The following ARK2C variants were observed in gnomAD, a reference collection of about 807,000 sequenced individuals.
ARK2C encodes E3 ubiquitin-protein ligase ARK2C.
chr18:46,404,149 G>T, the ARK2C span, among the ~76,000 whole-genome samples: 2 of 152,018 alleles, frequency 1.3e-5, no homozygotes, highest in Admixed American at 1.3e-4. Context: ...ATGATTTACG[G>T]TCTAAAACCC....
the ARK2C span, among the ~76,000 whole-genome samples, chr18:46,390,008 G>A: frequency 0.014 from 2,122 of 152,266 alleles, 19 homozygotes; most frequent in South Asian, 0.029. Context: ...GACTATAGGC[G>A]TGAGCCACCA....
chr18:46,377,423 C>G, the ARK2C span, among the ~76,000 whole-genome samples: 1 of 152,166 alleles, frequency 6.6e-6, no homozygotes, highest in Non-Finnish European at 1.5e-5. Flanking sequence ...GCAGTAACAG[C>G]TCCCTAATGG....
chr18:46,433,302 G>A, the ARK2C span: 2 of 1,611,612 alleles, frequency 1.2e-6, no homozygotes, highest in Non-Finnish European at 1.7e-6. Context: ...CCCACCCCGT[G>A]CAGTCGCAGC....
At chr18:46,431,148 G>A in the ARK2C span, among the ~76,000 whole-genome samples, 1 of 152,102 alleles carries the variant, frequency 6.6e-6, no homozygotes, top group African/African-American at 2.4e-5. Context: ...GCGGTGTTTG[G>A]TTTTCTGTTC....
chr18:46,417,185 G>T, the ARK2C span, among the ~76,000 whole-genome samples: 3 of 152,132 alleles, frequency 2.0e-5, no homozygotes, highest in African/African-American at 7.2e-5. Flanking sequence ...TCCCCCGATT[G>T]CCACCCTAGT....
the ARK2C span, among the ~76,000 whole-genome samples, chr18:46,387,647 C>T: frequency 3.2e-4 from 48 of 152,362 alleles, no homozygotes; most frequent in East Asian, 6.4e-3. Flanking sequence ...CATACAGACC[C>T]GTGGAGGGTG....
the ARK2C span, among the ~76,000 whole-genome samples, chr18:46,448,107 C>T: frequency 4.5e-3 from 666 of 148,498 alleles, 6 homozygotes; most frequent in African/African-American, 0.016. Context: ...GGCTCCCCTG[C>T]GCTCCGGATT....
the ARK2C span, among the ~76,000 whole-genome samples, chr18:46,427,805 A>G: frequency 6.6e-6 from 1 of 152,206 alleles, no homozygotes; most frequent in Non-Finnish European, 1.5e-5. Flanking sequence ...GAGACAGCTC[A>G]AGGTAGCCAC....
At chr18:46,347,444 C>T in the ARK2C span, among the ~76,000 whole-genome samples, 5 of 152,182 alleles carry the variant, frequency 3.3e-5, no homozygotes, top group Admixed American at 6.5e-5. Flanking sequence ...GTCATCGTGC[C>T]GCCCCTGGAA....
At chr18:46,436,881 G>A in the ARK2C span, among the ~76,000 whole-genome samples, 6 of 152,122 alleles carry the variant, frequency 3.9e-5, no homozygotes, top group African/African-American at 1.4e-4. Context: ...CAGCACACAC[G>A]GAGTACTCAG....
At chr18:46,346,193 G>T in the ARK2C span, among the ~76,000 whole-genome samples, 1 of 152,190 alleles carries the variant, frequency 6.6e-6, no homozygotes, top group Non-Finnish European at 1.5e-5. Flanking sequence ...AGGAACCAGA[G>T]CCTGAGAGGG....
chr18:46,340,826 T>C, the ARK2C span, among the ~76,000 whole-genome samples: 1 of 152,218 alleles, frequency 6.6e-6, no homozygotes, highest in African/African-American at 2.4e-5. Context: ...AGGTGTTTGC[T>C]AGCCAGAGGA....
the ARK2C span, among the ~76,000 whole-genome samples, chr18:46,369,157 TC>T: frequency 6.6e-6 from 1 of 152,310 alleles, no homozygotes; most frequent in Middle Eastern, 3.4e-3. Context: ...GTTTTTGTTT[TC>T]CCCTGTGTGT....
At chr18:46,454,417 C>T in the ARK2C span, among the ~76,000 whole-genome samples, 3 of 152,124 alleles carry the variant, frequency 2.0e-5, no homozygotes, top group Non-Finnish European at 4.4e-5. Context: ...TACTCTAAAG[C>T]CATGACAATT....
At chr18:46,378,700 C>A in the ARK2C span, among the ~76,000 whole-genome samples, 2 of 152,258 alleles carry the variant, frequency 1.3e-5, no homozygotes, top group Admixed American at 1.3e-4. Flanking sequence ...AATACACATT[C>A]TACTTAAGGT....
the ARK2C span, chr18:46,336,107 A>G: frequency 3.8e-5 from 37 of 985,152 alleles, no homozygotes; most frequent in Non-Finnish European, 2.4e-5. Flanking sequence ...TCTCCTTGAA[A>G]TGCCACCCCC....
At chr18:46,390,153 C>A in the ARK2C span, among the ~76,000 whole-genome samples, 30,693 of 152,180 alleles carry the variant, frequency 0.2, 3,506 homozygotes, top group East Asian at 0.31. Flanking sequence ...CACCCCAACC[C>A]CTGTGGGATG....
the ARK2C span, among the ~76,000 whole-genome samples, chr18:46,420,831 G>A: frequency 2.0e-5 from 3 of 151,896 alleles, no homozygotes; most frequent in African/African-American, 7.3e-5. Flanking sequence ...GGCAACAAGA[G>A]CAGGACTCCA....
At chr18:46,450,056 G>T in the ARK2C span, among the ~76,000 whole-genome samples, 1 of 152,206 alleles carries the variant, frequency 6.6e-6, no homozygotes, top group African/African-American at 2.4e-5. Context: ...TAAGTGCTTA[G>T]AACAGTGCCT....
Sources: allele counts gnomAD v4.1 joint callset (sites outside exome capture counted in the v4.1 genomes callset), GRCh38; gene constraint gnomAD v4.1.1; transcripts MANE v1.5; gene names NCBI Gene and HGNC (gene_info 2026-07-23, HGNC 2026-07-21).